Variants in EHMT1 observed in about 807,000 individuals in gnomAD.
The protein encoded by EHMT1 is euchromatic histone lysine methyltransferase 1, also known as histone-lysine N-methyltransferase EHMT1.
EHMT1 carries 15 observed loss-of-function variants against 147.2 expected under a neutral mutation model. That is an observed-to-expected ratio of 0.10 (90% CI 0.07 to 0.16). EHMT1 has a LOEUF of 0.16. Among genes scored for constraint, EHMT1 ranks in the 10% least tolerant of loss-of-function variants. The pLI is 1.00. For missense variants in EHMT1, 1,587 were observed against 1,772.4 expected (o/e 0.90, Z 1.88); for synonymous variants, 795 against 709.6 (o/e 1.12, Z -1.91).
chr9:137,829,826 G>A lies in EHMT1; in HGVS notation c.3541-4523G>A, dbSNP rs192168263. Among the ~76,000 whole-genome samples, 301 of 152,344 alleles carry A rather than the reference G, an allele frequency of 2.0e-3. 2 individuals are homozygous for A. The highest frequency in any genetic ancestry group is 6.8e-3 in the African/African-American group (284 of 41,574). On this transcript the variant is annotated intron_variant, in intron 25 of 26. Transcript: ENST00000460843. ...GCTGAGGTTTGGCGACACTCACACC[G>A]GGGCTGCTGTGTCCCATAGGGAGCT...
chr9:137,709,667 T>TTTTATA (rs1944528455), intron 1 of EHMT1, among the ~76,000 whole-genome samples: 1 of 151,498 alleles, frequency 6.6e-6, no homozygotes, highest in South Asian at 2.1e-4. Context: ...TTTTGCAGCC[T>TTTTATA]CTTCTTACCT....
In EHMT1 at chr9:137,834,790, G is replaced by C. The variant is rs1251873740; in HGVS notation, c.3734G>C (p.Arg1245Pro). The C allele has an allele frequency of 6.2e-7, 1 of 1,613,164 alleles. No homozygotes were observed. Among genetic ancestry groups the C allele is most frequent in the Non-Finnish European group, 8.5e-7 (1 of 1,179,760 alleles). ...CTCCCCAGGTTTGACTATGGAGAGC[G>C]CTTCTGGGACATCAAAGGCAAGCTC... is the stretch of plus-strand genomic sequence containing the variant. ...GEQLGFDYGE[R>P]FWDIKGKLFS... The change falls in exon 27 of 27, where the codon CGC (arginine) becomes CCC (proline). Residue 1245 changes from arginine to proline, a missense_variant. Coordinates refer to ENST00000460843, the MANE Select transcript of EHMT1 (RefSeq NM_024757.5).
Position 137,776,852 on chromosome 9 carries a change from G to A in EHMT1, c.2018+8G>A, listed in dbSNP as rs1439597007. 6.2e-7 allele frequency: 1 copy of A among 1,613,392 alleles called. No individual in the cohort carries two copies. The highest frequency in any genetic ancestry group is 1.7e-5 in the Admixed American group (1 of 59,982). The stretch of plus-strand genomic sequence containing the variant: ...CGACACCACAACGGGCAGGTACCTG[G>A]CACAGGCTCTGGCTGGGCTCTCCAG... On this transcript the variant is annotated splice_region_variant and intron_variant, in intron 12 of 26. Coordinates refer to ENST00000460843, the MANE Select transcript of EHMT1 (RefSeq NM_024757.5). The surrounding 1 kb of genome is among the most constrained non-coding windows in gnomAD (Gnocchi z 4.4).
At chr9:137,796,992 GAT>G (rs1953016543) in intron 16 of EHMT1, among the ~76,000 whole-genome samples, 1 of 152,130 alleles carries the variant, frequency 6.6e-6, no homozygotes, top group African/African-American at 2.4e-5. Flanking sequence ...GTCTGCAGGT[GAT>G]ATACACTGTG....
chr9:137,675,054 C>A (rs1205335353), intron 1 of EHMT1: 1 of 152,144 alleles, frequency 6.6e-6, no homozygotes, highest in Non-Finnish European at 1.5e-5. Context: ...AAAATTCATT[C>A]TTAGCTTGTG....
chr9:137,750,712 T>TG (rs59102636), intron 6 of EHMT1, among the ~76,000 whole-genome samples: 3,028 of 152,030 alleles, frequency 0.02, 113 homozygotes, highest in African/African-American at 0.069. Flanking sequence ...GGAGTAGTGG[T>TG]GGGGACTGTG....
rs938294601 is a variant in EHMT1 at position 137,679,473 on chromosome 9, T to G, written c.22-31494T>G. Among the ~76,000 whole-genome samples, 3 of 152,190 alleles carry G rather than the reference T, an allele frequency of 2.0e-5. No individual in the cohort carries two copies. The East Asian group carries it at 5.8e-4, about 29-fold the overall frequency. On this transcript the variant is annotated intron_variant, in intron 1 of 26. Transcript: ENST00000460843. ...TTGCTGATGTTTTGTTAGGGGTTAC[T>G]GATGTGGAGTTCCCTTTGTTTTCTG...
At chr9:137,779,496 C>A in intron 13 of EHMT1, 139 bp from the exon 14 acceptor site, 1 of 866,816 alleles carries the variant, frequency 1.2e-6, no homozygotes, top group Non-Finnish European at 1.8e-6. Context: ...GGCCTTCCAG[C>A]CTTCAGCTTC....
chr9:137,773,416 A>T (rs1028777368), intron 10 of EHMT1, among the ~76,000 whole-genome samples: 7 of 151,734 alleles, frequency 4.6e-5, no homozygotes, highest in African/African-American at 7.3e-5. Context: ...ACTGTCTTTT[A>T]AAAAAGTTGC....
At chr9:137,619,080 G>A in intron 1 of EHMT1, 31 bp downstream of exon 1, 14 of 784,438 alleles carry the variant, frequency 1.8e-5, no homozygotes, top group Non-Finnish European at 2.2e-5. Flanking sequence ...GGGGCGGCGC[G>A]GGGGCGGCGG....
Position 137,776,684 on chromosome 9 carries a change from C to A in EHMT1, c.1858C>A (p.Arg620=), listed in dbSNP as rs137852718. 115 of 1,614,168 alleles carry A rather than the reference C, an allele frequency of 7.1e-5. 2 individuals are homozygous for A. In the South Asian group the frequency reaches 1.2e-3, roughly 17 times the overall value. ...SHRFHKDCAS[R]VNNASYCPHC... ...CCGTTTCCACAAAGACTGTGCCTCT[C>A]GAGTCAATAACGCCAGCTATTGTCC... Residue 620 remains arginine, a synonymous_variant, in exon 12 of 27, where the codon CGA becomes AGA. Coordinates refer to ENST00000460843, the MANE Select transcript of EHMT1 (RefSeq NM_024757.5). The surrounding 1 kb of genome is among the most constrained non-coding windows in gnomAD (Gnocchi z 4.4).
intron 4 of EHMT1, among the ~76,000 whole-genome samples, chr9:137,739,925 G>C (rs1588460961): frequency 6.6e-6 from 1 of 152,204 alleles, no homozygotes; most frequent in South Asian, 2.1e-4. Context: ...AGGTGCTGCT[G>C]TCCAGGCATG....
At chr9:137,824,999 G>A (rs1386623009) in intron 25 of EHMT1, among the ~76,000 whole-genome samples, 1 of 152,172 alleles carries the variant, frequency 6.6e-6, no homozygotes, top group East Asian at 1.9e-4. Flanking sequence ...CGGCACTGGG[G>A]GAAGAGGTGT....
chr9:137,641,744 G>A (rs1454961916), intron 1 of EHMT1, among the ~76,000 whole-genome samples: 1 of 152,204 alleles, frequency 6.6e-6, no homozygotes, highest in South Asian at 2.1e-4. Flanking sequence ...GCAGAGACGG[G>A]TGTTTGGGGG....
intron 6 of EHMT1, chr9:137,747,660 C>G (rs1473980830): frequency 1.3e-5 from 2 of 152,192 alleles, no homozygotes; most frequent in African/African-American, 4.8e-5. Flanking sequence ...GTTCAGTCCG[C>G]TTTCTGTTTT....
Position 137,753,667 on chromosome 9 carries a change from A to G in EHMT1, c.1249-504A>G, listed in dbSNP as rs528475540. On this transcript the variant is annotated intron_variant, in intron 7 of 26. Transcript: ENST00000460843. The stretch of plus-strand genomic sequence containing the variant: ...TGTGCATCCGTGTGTGACATGTGGC[A>G]TGGATGCCCTTGCTGCATCCGGATT... Among the ~76,000 whole-genome samples, 7 of 152,366 alleles carry G rather than the reference A, an allele frequency of 4.6e-5. No homozygotes were observed. The East Asian group carries it at 1.4e-3, about 29-fold the overall frequency.
intron 8 of EHMT1, among the ~76,000 whole-genome samples, chr9:137,756,022 A>G (rs993626171): frequency 6.6e-6 from 1 of 152,172 alleles, no homozygotes; most frequent in African/African-American, 2.4e-5. Flanking sequence ...CTAATGCTGT[A>G]TTTAGAAGAG....
chr9:137,664,101 C>T (rs921422557), intron 1 of EHMT1, among the ~76,000 whole-genome samples: 2 of 151,954 alleles, frequency 1.3e-5, no homozygotes, highest in Non-Finnish European at 2.9e-5. Context: ...ATGGAGTTCT[C>T]ATTGTGTGGC....
chr9:137,745,765 A>G, intron 6 of EHMT1: 1 of 385,068 alleles, frequency 2.6e-6, no homozygotes, highest in Non-Finnish European at 4.6e-6. Flanking sequence ...CCGGAGGCTC[A>G]TAAGTGCTGT....
Sources: allele counts gnomAD v4.1 joint callset (sites outside exome capture counted in the v4.1 genomes callset), GRCh38; gene constraint gnomAD v4.1.1; non-coding constraint Gnocchi (gnomAD v3.1); transcripts MANE v1.5; gene names NCBI Gene and HGNC (gene_info 2026-07-23, HGNC 2026-07-21).